OXCT1: variants seen among roughly 807,000 people sequenced by gnomAD.
OXCT1 encodes 3-oxoacid CoA-transferase 1, also known as succinyl-CoA:3-ketoacid coenzyme A transferase 1, mitochondrial.
A neutral mutation model predicts 69.6 loss-of-function variants in OXCT1; 27 were observed. The ratio of observed to expected loss-of-function variants is 0.39; its 90% CI spans 0.29 to 0.54. OXCT1 has a LOEUF of 0.54. Ranked by LOEUF, OXCT1 falls within the 20% of genes least tolerant of loss-of-function variation. The probability of loss-of-function intolerance (pLI) is 0.72; values close to 1 mark genes in which losing one functional copy is unlikely to be tolerated. For synonymous variants in OXCT1, 202 were observed against 217.8 expected, an observed-to-expected ratio of 0.93 and a Z score of 0.64; for missense variants, 437 against 650.2, an observed-to-expected ratio of 0.67 and a Z score of 3.57.
At chr5:41,816,651 C>T (rs551881323) in intron 7 of OXCT1, among the ~76,000 whole-genome samples, 2 of 152,148 alleles carry the variant, frequency 1.3e-5, no homozygotes, top group Admixed American at 6.5e-5. Context: ...CTTGGCATGC[C>T]GCTGCAACTT....
At chr5:41,843,702 C>T in intron 5 of OXCT1, 1 of 358,486 alleles carries the variant, frequency 2.8e-6, no homozygotes, top group South Asian at 2.1e-5. Flanking sequence ...TACCGCACCC[C>T]CTAGTGGAAA....
chr5:41,769,274 T>C (rs928872108), intron 13 of OXCT1, among the ~76,000 whole-genome samples: 1 of 152,122 alleles, frequency 6.6e-6, no homozygotes, highest in African/African-American at 2.4e-5. Flanking sequence ...CTAACCACCC[T>C]TCCCCCCAAA....
intron 7 of OXCT1, among the ~76,000 whole-genome samples, chr5:41,820,630 G>T (rs1158786567): frequency 3.3e-5 from 5 of 152,060 alleles, no homozygotes; most frequent in African/African-American, 9.7e-5. Flanking sequence ...TTTATAAAAA[G>T]AAACATTAGG....
At chr5:41,746,008 C>T (rs1042109989) in intron 15 of OXCT1, among the ~76,000 whole-genome samples, 4 of 152,072 alleles carry the variant, frequency 2.6e-5, no homozygotes, top group South Asian at 4.1e-4. Flanking sequence ...CAAAACTACT[C>T]GAATCAATAG....
At chr5:41,734,068 A>C (rs1388072968) in intron 16 of OXCT1, among the ~76,000 whole-genome samples, 1 of 152,258 alleles carries the variant, frequency 6.6e-6, no homozygotes, top group Non-Finnish European at 1.5e-5. Flanking sequence ...CACTGCAAAC[A>C]TATCAACAAA....
At chr5:41,767,782 A>G (rs1387433621) in intron 13 of OXCT1, among the ~76,000 whole-genome samples, 3 of 145,174 alleles carry the variant, frequency 2.1e-5, no homozygotes, top group South Asian at 4.4e-4. Context: ...CTACATTCCT[A>G]TATCTATCTA....
intron 7 of OXCT1, among the ~76,000 whole-genome samples, chr5:41,831,195 C>A (rs184596711): frequency 6.6e-6 from 1 of 152,316 alleles, no homozygotes; most frequent in Non-Finnish European, 1.5e-5. Flanking sequence ...AGACTCCACA[C>A]CCTATGACCA....
At chr5:41,863,303 C>T (rs1242357153) in intron 1 of OXCT1, among the ~76,000 whole-genome samples, 1 of 152,172 alleles carries the variant, frequency 6.6e-6, no homozygotes, top group Non-Finnish European at 1.5e-5. Flanking sequence ...TAAATGCACA[C>T]ACTTTTTTAT....
chr5:41,757,575 G>A (rs2112084172), intron 14 of OXCT1, among the ~76,000 whole-genome samples: 1 of 152,010 alleles, frequency 6.6e-6, no homozygotes, highest in East Asian at 1.9e-4. Flanking sequence ...TTTTATGTCT[G>A]AATAAACAAG....
At chr5:41,783,404 T>G (rs908711865) in intron 13 of OXCT1, among the ~76,000 whole-genome samples, 1 of 152,220 alleles carries the variant, frequency 6.6e-6, no homozygotes, top group Admixed American at 6.5e-5. Flanking sequence ...TTTGGTTTCA[T>G]TCCCTGCTAA....
At chr5:41,814,387 A>C (rs1030343869) in intron 7 of OXCT1, among the ~76,000 whole-genome samples, 3 of 152,108 alleles carry the variant, frequency 2.0e-5, no homozygotes, top group Admixed American at 1.3e-4. Flanking sequence ...ACATGACAGA[A>C]ATATTCCAAA....
intron 7 of OXCT1, among the ~76,000 whole-genome samples, chr5:41,835,905 C>G (rs1169917317): frequency 6.6e-6 from 1 of 152,032 alleles, no homozygotes; most frequent in Non-Finnish European, 1.5e-5. Context: ...GAGTGAAGCA[C>G]TCTCATCCCT....
chr5:41,868,620 G>A (rs1393660638), intron 1 of OXCT1, among the ~76,000 whole-genome samples: 2 of 151,632 alleles, frequency 1.3e-5, no homozygotes, highest in Non-Finnish European at 3.0e-5. Context: ...CTACTTGGGA[G>A]GCTGAGGCAG....
chr5:41,857,321 G>T (rs979813118), intron 3 of OXCT1, among the ~76,000 whole-genome samples: 1 of 152,172 alleles, frequency 6.6e-6, no homozygotes, highest in Non-Finnish European at 1.5e-5. Context: ...TCTCCGGAGT[G>T]GCCTGCAAGG....
intron 15 of OXCT1, among the ~76,000 whole-genome samples, chr5:41,740,555 G>A (rs553734944): frequency 2.0e-5 from 3 of 152,282 alleles, no homozygotes; most frequent in African/African-American, 7.2e-5. Context: ...CCCACCTGTT[G>A]TATCTGATTT....
chr5:41,788,335 A>C lies in OXCT1; in HGVS notation c.1248+5668T>G, dbSNP rs140276686. Reference sequence around the variant, plus strand: ...GGACAGATGAAGTAAACAGAAAAAAAAATATCCTGATAGATTTAAACCCAA... The same window carrying C: ...GGACAGATGAAGTAAACAGAAAAAACAATATCCTGATAGATTTAAACCCAA... On this transcript the variant is annotated intron_variant, in intron 13 of 16. Coordinates refer to ENST00000196371, the MANE Select transcript of OXCT1 (RefSeq NM_000436.4). Among the ~76,000 whole-genome samples, 288 of 152,316 alleles carry C rather than the reference A, an allele frequency of 1.9e-3. 1 individual carries two copies. The highest frequency in any genetic ancestry group is 6.6e-3 in the African/African-American group (276 of 41,562).
chr5:41,861,531 C>T (rs1749740766), intron 2 of OXCT1, 127 bp from the exon 3 acceptor site: 4 of 730,834 alleles, frequency 5.5e-6, no homozygotes, highest in Admixed American at 1.9e-5. Context: ...AAGCAAAATA[C>T]ACAGATATAT....
intron 12 of OXCT1, 67 bp downstream of exon 12, chr5:41,794,610 C>T: frequency 7.1e-7 from 1 of 1,417,518 alleles, no homozygotes; most frequent in South Asian, 1.2e-5. Flanking sequence ...GCCTTGCTAA[C>T]ACACTCAGAC....
intron 1 of OXCT1, among the ~76,000 whole-genome samples, chr5:41,864,466 C>T (rs1184608913): frequency 6.6e-6 from 1 of 152,130 alleles, no homozygotes; most frequent in African/African-American, 2.4e-5. Context: ...AGTTTTCCCT[C>T]TTTTCTATTC....
Sources: gnomAD v4.1 joint callset for allele counts (sites outside exome capture counted in the v4.1 genomes callset) on GRCh38, gnomAD v4.1.1 for gene constraint, MANE v1.5 for transcripts, NCBI Gene and HGNC (gene_info 2026-07-23, HGNC 2026-07-21) for gene names.